The following COLEC10 variants were observed in gnomAD, a reference collection of about 807,000 sequenced individuals.
COLEC10 encodes collectin-10.
A neutral mutation model predicts 28.4 loss-of-function variants in COLEC10; 22 were observed. The observed-to-expected ratio is 0.78, with a 90% CI of 0.55 to 1.11. The LOEUF (loss-of-function observed/expected upper bound fraction) is 1.11. Among genes scored for constraint, COLEC10 ranks in the 50% least tolerant of loss-of-function variants. The probability of loss-of-function intolerance (pLI) is 0.00; values close to 1 mark genes in which losing one functional copy is unlikely to be tolerated. For synonymous variants in COLEC10, 125 were observed against 116.1 expected, an observed-to-expected ratio of 1.08 and a Z score of -0.49; for missense variants, 361 against 344.1, an observed-to-expected ratio of 1.05 and a Z score of -0.39.
chr8:119,005,132 A>G (rs1813771180), intron 1 of COLEC10, among the ~76,000 whole-genome samples: 1 of 152,072 alleles, frequency 6.6e-6, no homozygotes, highest in South Asian at 2.1e-4. Context: ...ATTTCACTCA[A>G]TTCCTTTCCA....
At chr8:119,084,926 T>A (rs956778905) in intron 1 of COLEC10, among the ~76,000 whole-genome samples, 4 of 152,162 alleles carry the variant, frequency 2.6e-5, no homozygotes, top group Non-Finnish European at 4.4e-5. Flanking sequence ...ATTGAGGTAG[T>A]GAATACTAAG....
At chr8:119,018,360 A>C (rs1814030788) in intron 2 of COLEC10, among the ~76,000 whole-genome samples, 1 of 152,192 alleles carries the variant, frequency 6.6e-6, no homozygotes, top group Non-Finnish European at 1.5e-5. Flanking sequence ...CTAATTGAAT[A>C]CAGCAGTGAG....
chr8:119,030,227 G>T (rs888656333), intron 2 of COLEC10, among the ~76,000 whole-genome samples: 9 of 151,888 alleles, frequency 5.9e-5, no homozygotes, highest in African/African-American at 1.9e-4. Context: ...TGTAGATTGG[G>T]GCATTATGTT....
intron 2 of COLEC10, among the ~76,000 whole-genome samples, chr8:119,059,478 G>A (rs932574838): frequency 9.9e-5 from 15 of 151,938 alleles, no homozygotes; most frequent in African/African-American, 3.4e-4. Context: ...ACATTTAGTT[G>A]TCTTGGTACC....
chr8:118,954,465 A>ATG, the COLEC10 span, among the ~76,000 whole-genome samples: 10 of 152,216 alleles, frequency 6.6e-5, no homozygotes, highest in African/African-American at 2.4e-4. Context: ...TTTAATTGGA[A>ATG]TGGACCCAGG....
chr8:118,970,301 G>A, the COLEC10 span, among the ~76,000 whole-genome samples: 395 of 152,108 alleles, frequency 2.6e-3, 2 homozygotes, highest in African/African-American at 9.1e-3. Flanking sequence ...TATGGACACA[G>A]GTCTGTGGGG....
intron 2 of COLEC10, among the ~76,000 whole-genome samples, chr8:119,032,764 T>TGCTG (rs1814313646): frequency 6.6e-6 from 1 of 152,284 alleles, no homozygotes; most frequent in Admixed American, 6.5e-5. Flanking sequence ...TAGCCAGCCG[T>TGCTG]GCTGGCGGGC....
intron 2 of COLEC10, among the ~76,000 whole-genome samples, chr8:119,029,624 C>G (rs908886409): frequency 6.6e-6 from 1 of 152,110 alleles, no homozygotes; most frequent in Non-Finnish European, 1.5e-5. Flanking sequence ...TAAAGTACCT[C>G]TCATTGGGTC....
the COLEC10 span, among the ~76,000 whole-genome samples, chr8:118,972,637 G>A: frequency 6.6e-6 from 1 of 151,966 alleles, no homozygotes; most frequent in African/African-American, 2.4e-5. Context: ...TGGCTAAGAA[G>A]CTCAGAACTA....
chr8:119,104,448 T>TA (rs760993631), intron 5 of COLEC10, among the ~76,000 whole-genome samples: 5 of 152,154 alleles, frequency 3.3e-5, no homozygotes, highest in African/African-American at 4.8e-5. Context: ...AATACAAACA[T>TA]AATGTGTTTA....
chr8:118,970,302 G>T, the COLEC10 span, among the ~76,000 whole-genome samples: 5 of 152,014 alleles, frequency 3.3e-5, no homozygotes, highest in African/African-American at 9.7e-5. Flanking sequence ...ATGGACACAG[G>T]TCTGTGGGGG....
intron 3 of COLEC10, among the ~76,000 whole-genome samples, chr8:119,095,835 T>C (rs1254124516): frequency 6.6e-6 from 1 of 151,546 alleles, no homozygotes; most frequent in Non-Finnish European, 1.5e-5. Context: ...AAATGAAAAA[T>C]AAAACAAAGG....
the COLEC10 span, among the ~76,000 whole-genome samples, chr8:118,985,585 G>C: frequency 1.3e-5 from 2 of 151,954 alleles, no homozygotes; most frequent in African/African-American, 4.8e-5. Flanking sequence ...ACATTCACTG[G>C]GTCCAAAGGG....
chr8:119,089,645 G>C, intron 1 of COLEC10, 35 bp from the exon 2 acceptor site: 1 of 1,538,758 alleles, frequency 6.5e-7, no homozygotes, highest in Middle Eastern at 1.7e-4. Flanking sequence ...TACTGTTTGA[G>C]ATGCTTCACT....
At chr8:119,027,819 C>T (rs1484577942) in intron 2 of COLEC10, among the ~76,000 whole-genome samples, 1 of 152,200 alleles carries the variant, frequency 6.6e-6, no homozygotes, top group Non-Finnish European at 1.5e-5. Context: ...CTCCCTCTCT[C>T]CTCGATGCTA....
At chr8:119,022,238 A>G (rs1404384162) in intron 2 of COLEC10, among the ~76,000 whole-genome samples, 4 of 152,166 alleles carry the variant, frequency 2.6e-5, no homozygotes, top group Non-Finnish European at 5.9e-5. Context: ...GATAATTTAA[A>G]CACAGGCCAG....
At chr8:119,052,522 A>G (rs1814691497) in intron 2 of COLEC10, among the ~76,000 whole-genome samples, 2 of 152,154 alleles carry the variant, frequency 1.3e-5, no homozygotes, top group Admixed American at 1.3e-4. Context: ...TCTGAATTCA[A>G]TTTCCAGTTG....
chr8:118,975,400 T>C, the COLEC10 span, among the ~76,000 whole-genome samples: 1 of 152,104 alleles, frequency 6.6e-6, no homozygotes, highest in Non-Finnish European at 1.5e-5. Context: ...TTTTTGTGAC[T>C]AAGTTTCTTG....
At chr8:119,010,787 C>A (rs1218613700) in intron 2 of COLEC10, among the ~76,000 whole-genome samples, 1 of 151,008 alleles carries the variant, frequency 6.6e-6, no homozygotes, top group African/African-American at 2.5e-5. Flanking sequence ...GGTAATTTGC[C>A]ATCTGCGCAT....
Sources: gnomAD v4.1 joint callset for allele counts (sites outside exome capture counted in the v4.1 genomes callset) on GRCh38, gnomAD v4.1.1 for gene constraint, MANE v1.5 for transcripts, NCBI Gene and HGNC (gene_info 2026-07-23, HGNC 2026-07-21) for gene names.